HARS2: variants seen among roughly 807,000 people sequenced by gnomAD.
The protein encoded by HARS2 is histidyl-tRNA synthetase 2, mitochondrial, also known as histidine--tRNA ligase, mitochondrial.
A neutral mutation model predicts 62.4 loss-of-function variants in HARS2; 40 were observed. The observed-to-expected ratio is 0.64, with a 90% CI of 0.50 to 0.83. The LOEUF (loss-of-function observed/expected upper bound fraction) is 0.83, where lower values mean the gene tolerates loss of function less well. Ranked by LOEUF, HARS2 falls within the 40% of genes least tolerant of loss-of-function variation. The pLI is 0.00. For missense variants in HARS2, 569 were observed against 626.4 expected (o/e 0.91, Z 0.98); for synonymous variants, 228 against 227.0 (o/e 1.00, Z -0.04).
intron 3 of HARS2, 39 bp from the exon 4 acceptor site, chr5:140,694,146 A>T (rs770499453): frequency 1.8e-5 from 29 of 1,604,942 alleles, no homozygotes; most frequent in Non-Finnish European, 2.4e-5. Context: ...TTTTGGAGTC[A>T]TGCTTTCAAC....
intron 1 of HARS2, 57 bp downstream of exon 1, chr5:140,691,813 C>A: frequency 8.4e-7 from 1 of 1,191,098 alleles, no homozygotes; most frequent in Non-Finnish European, 1.2e-6. Flanking sequence ...GATCTGAACG[C>A]ATAGCCTCGC....
intron 7 of HARS2, 52 bp from the exon 8 acceptor site, chr5:140,696,469 G>A (rs973662787): frequency 5.8e-6 from 8 of 1,378,762 alleles, no homozygotes; most frequent in East Asian, 2.3e-5. Flanking sequence ...TCCTTTTTCA[G>A]TTTGAGAAAG....
In HARS2 at chr5:140,695,839, C is replaced by G; in HGVS notation, c.627C>G (p.Leu209=). 1 of 1,602,856 alleles carries G rather than the reference C, an allele frequency of 6.2e-7. No individual in the cohort carries two copies. Among genetic ancestry groups the G allele is most frequent in the Admixed American group, 1.7e-5 (1 of 60,002 alleles). The change falls in exon 6 of 13, where the codon CTC becomes CTG. Residue 209 remains leucine (L), a synonymous_variant. Coordinates refer to ENST00000230771, the MANE Select transcript of HARS2 (RefSeq NM_012208.4). Reference sequence around the variant, plus strand: ...GTGGATTGCAGTTGGGAGACTTTCTCATTAAGGTGAGGCCAGGGCTGAGAA... The same window carrying G: ...GTGGATTGCAGTTGGGAGACTTTCTGATTAAGGTGAGGCCAGGGCTGAGAA... The part of the protein sequence containing the change: ...ILSGLQLGDF[L]IKVNDRRIVD...
In HARS2 at chr5:140,698,634, T is replaced by A. The variant is rs1759857886; in HGVS notation, c.*82T>A. 8.2e-6 allele frequency: 9 copies of A among 1,094,552 alleles called. No individual in the cohort carries two copies. The highest frequency in any genetic ancestry group is 1.3e-5 in the Non-Finnish European group (9 of 704,760). 67.8% of individuals were successfully genotyped at this position (1,094,552 alleles called of 1,614,324 possible). ...ATTCCTCTGGAATTGAGTGATGGACTTCACAACAACTAGCCAGGAAGGGTG... is the reference window on the plus strand; with the variant it reads ...ATTCCTCTGGAATTGAGTGATGGACATCACAACAACTAGCCAGGAAGGGTG... On this transcript the variant is annotated 3_prime_UTR_variant, in exon 13 of 13. Coordinates refer to ENST00000230771, the MANE Select transcript of HARS2 (RefSeq NM_012208.4).
Position 140,697,931 on chromosome 5 carries a change from G to A in HARS2, c.1315-1G>A. On this transcript the variant is annotated splice_acceptor_variant, in intron 11 of 12. Coordinates refer to ENST00000230771, the MANE Select transcript of HARS2 (RefSeq NM_012208.4). LOFTEE classifies it high-confidence loss of function. ...CCTTACTCTGTCTTGATCCTTTTCAGGCAGAGATGCTATACAAGAACAACC... is the reference window on the plus strand; with the variant it reads ...CCTTACTCTGTCTTGATCCTTTTCAAGCAGAGATGCTATACAAGAACAACC... 6.2e-7 allele frequency: 1 copy of A among 1,613,644 alleles called. No individual in the cohort carries two copies. Among genetic ancestry groups the A allele is most frequent in the Non-Finnish European group, 8.5e-7 (1 of 1,179,632 alleles).
intron 4 of HARS2, 51 bp from the exon 5 acceptor site, chr5:140,695,457 G>A: frequency 1.9e-6 from 3 of 1,609,720 alleles, no homozygotes; most frequent in Non-Finnish European, 1.7e-6. Flanking sequence ...TCTGTATACT[G>A]GGCCTAATCT....
Position 140,697,230 on chromosome 5 carries a change from C to T in HARS2, c.1021C>T (p.Leu341=). 6.2e-7 allele frequency: 1 copy of T among 1,614,188 alleles called. No individual in the cohort carries two copies. The highest frequency in any genetic ancestry group is 8.5e-7 in the Non-Finnish European group (1 of 1,180,034). The change falls in exon 10 of 13, where the codon CTG becomes TTG. Residue 341 remains leucine (L), a synonymous_variant. Transcript: ENST00000230771. ...YYTGVIYEAV[L]LQTPTQAGEE... ...TACAGGAGTGATCTATGAAGCAGTG[C>T]TGCTGCAGACCCCAACTCAGGCTGG... is the stretch of plus-strand genomic sequence containing the variant.
chr5:140,695,938 C>G (rs1355844007), intron 6 of HARS2, 93 bp downstream of exon 6: 3 of 1,040,786 alleles, frequency 2.9e-6, no homozygotes, highest in Non-Finnish European at 4.6e-6. Context: ...AACCCTTAAG[C>G]CTGCAACTGT....
intron 4 of HARS2, among the ~76,000 whole-genome samples, chr5:140,695,066 C>T (rs1253229396): frequency 1.3e-5 from 2 of 152,176 alleles, no homozygotes; most frequent in African/African-American, 2.4e-5. Context: ...CGGGTGTGAG[C>T]CACTGCATCT....
chr5:140,695,878 C>A, intron 6 of HARS2, 33 bp downstream of exon 6: 1 of 1,496,998 alleles, frequency 6.7e-7, no homozygotes, highest in Non-Finnish European at 9.3e-7. Context: ...TGGGAGAAGT[C>A]TGGATTTGGC....
At chr5:140,693,728 T>C in intron 2 of HARS2, 63 bp downstream of exon 2, 1 of 1,353,568 alleles carries the variant, frequency 7.4e-7, no homozygotes, top group South Asian at 1.2e-5. Flanking sequence ...CTGCCTTGCA[T>C]GTCTCTCTGA....
In HARS2 at chr5:140,693,659, C is replaced by T; in HGVS notation, c.177C>T (p.Thr59=). The change falls in exon 2 of 13, where the codon ACC becomes ACT. Residue 59 remains threonine (T), a synonymous_variant. Transcript: ENST00000230771. The part of the protein sequence containing the change: ...HQEKPNFIIK[T]PKGTRDLSPQ... ...AGAAACCAAATTTTATTATCAAGAC[C>T]CCAAAGGTAATACTTTTTGCCTACC... is the stretch of plus-strand genomic sequence containing the variant. The T allele has an allele frequency of 6.2e-7, 1 of 1,613,020 alleles. No individual in the cohort carries two copies. Among genetic ancestry groups the T allele is most frequent in the Non-Finnish European group, 8.5e-7 (1 of 1,178,994 alleles).
In HARS2 at chr5:140,697,373, G is replaced by C. The variant is rs1681221275; in HGVS notation, c.1164G>C (p.Glu388Asp). ...VPCVGLSIGV[E>D]RIFYIVEQRM... is the part of the protein sequence containing the mutation. ...GTGTGGGACTCAGCATTGGGGTTGA[G>C]CGAATCTTCTACATTGTGGAGCAGA... Residue 388 changes from glutamate (E) to aspartate (D), a missense_variant, in exon 10 of 13, where the codon GAG (glutamate) becomes GAC (aspartate). Transcript: ENST00000230771. 6.2e-7 allele frequency: 1 copy of C among 1,613,922 alleles called. No individual in the cohort carries two copies. Among genetic ancestry groups the C allele is most frequent in the African/African-American group, 1.3e-5 (1 of 74,928 alleles).
At chr5:140,692,472 C>T (rs2563304) in intron 1 of HARS2, 65,493 of 152,296 alleles carry the variant, frequency 0.43, 14,332 homozygotes, top group East Asian at 0.46. Context: ...AGTTTTTTAG[C>T]TCATTCAAGA....
In HARS2 at chr5:140,696,287, T is replaced by A. The variant is rs190488184; in HGVS notation, c.732+86T>A. ...TACCACTAGTGAAAAATAAGGAGAT[T>A]GTGGCTGGAAGTGGGCTATTTTGGG... On this transcript the variant is annotated intron_variant, in intron 7 of 12. Coordinates refer to ENST00000230771, the MANE Select transcript of HARS2 (RefSeq NM_012208.4). 343 of 1,064,902 alleles carry A rather than the reference T, an allele frequency of 3.2e-4. No homozygotes were observed. In the East Asian group the frequency reaches 7.8e-3, roughly 24 times the overall value. The allele number at this position is 1,064,902 out of a possible 1,614,324, so 66.0% of individuals were successfully genotyped here. A position where few individuals can be genotyped will look rare whatever the true frequency, so the allele number is the denominator to read the frequency against.
chr5:140,695,881 G>A (rs1192580733), intron 6 of HARS2, 36 bp downstream of exon 6: 1 of 1,486,410 alleles, frequency 6.7e-7, no homozygotes, highest in Admixed American at 1.7e-5. Flanking sequence ...GAGAAGTCTG[G>A]ATTTGGCCTA....
rs753803186 is a variant in HARS2, at chr5:140,697,705, T to C, written c.1314+20T>C. Reference sequence around the variant, plus strand: ...ATCAAGGTATGGTGGAGCTGATATCTGAGCCATCTGGGTATGTGTGGAATT... The same window carrying C: ...ATCAAGGTATGGTGGAGCTGATATCCGAGCCATCTGGGTATGTGTGGAATT... On this transcript the variant is annotated intron_variant, in intron 11 of 12. Transcript: ENST00000230771. 6.6e-7 allele frequency: 1 copy of C among 1,521,064 alleles called. No homozygotes were observed. Among genetic ancestry groups the C allele is most frequent in the Non-Finnish European group, 9.1e-7 (1 of 1,095,068 alleles). The allele number at this position is 1,521,064 out of a possible 1,614,324, so 94.2% of individuals were successfully genotyped here. A position where few individuals can be genotyped will look rare whatever the true frequency, so the allele number is the denominator to read the frequency against.
At chr5:140,697,142 G>T in intron 9 of HARS2, 22 bp from the exon 10 acceptor site, 3 of 1,614,136 alleles carry the variant, frequency 1.9e-6, no homozygotes, top group South Asian at 2.2e-5. Context: ...GTTTGGGACT[G>T]ACTGTAATCT....
At position 140,696,138 on chromosome 5, in the gene HARS2, T is replaced by A. The variant is rs559544711; in HGVS notation, c.669T>A (p.Ala223=). ...NDRRIVDGMF[A]VCGVPESKFR... ...GGCGGATTGTGGATGGGATGTTTGC[T>A]GTCTGTGGTGTTCCTGAAAGCAAGT... is the stretch of plus-strand genomic sequence containing the variant. Residue 223 remains alanine (A), a synonymous_variant, in exon 7 of 13, where the codon GCT becomes GCA. Coordinates refer to ENST00000230771, the MANE Select transcript of HARS2 (RefSeq NM_012208.4). The A allele has an allele frequency of 1.9e-6, 3 of 1,614,046 alleles. No homozygotes were observed. The highest frequency in any genetic ancestry group is 4.5e-5 in the East Asian group (2 of 44,888).
Sources: allele counts gnomAD v4.1 joint callset (sites outside exome capture counted in the v4.1 genomes callset), GRCh38; gene constraint gnomAD v4.1.1; transcripts MANE v1.5; gene names NCBI Gene and HGNC (gene_info 2026-07-23, HGNC 2026-07-21).